MGAT4C: variants seen among roughly 807,000 people sequenced by gnomAD.
MGAT4C encodes the protein MGAT4 family member C.
A neutral mutation model predicts 40.1 loss-of-function variants in MGAT4C; 19 were observed. The ratio of observed to expected loss-of-function variants is 0.47; its 90% confidence interval spans 0.33 to 0.70. The LOEUF is 0.70. Ranked by LOEUF, MGAT4C falls within the 30% of genes least tolerant of loss-of-function variation. MGAT4C has a pLI of 0.02. For missense variants in MGAT4C, 491 were observed against 563.2 expected, an observed-to-expected ratio of 0.87 and a Z score of 1.30; for synonymous variants, 181 against 187.1, an observed-to-expected ratio of 0.97 and a Z score of 0.27.
chr12:86,152,529 T>A (rs969014271), intron 1 of MGAT4C, among the ~76,000 whole-genome samples: 3 of 152,326 alleles, frequency 2.0e-5, no homozygotes, highest in Admixed American at 6.5e-5. Context: ...GTACTGGTGA[T>A]TCAGTTTCAA....
intron 1 of MGAT4C, among the ~76,000 whole-genome samples, chr12:86,223,639 C>A (rs989487188): frequency 2.0e-5 from 3 of 152,178 alleles, no homozygotes; most frequent in Non-Finnish European, 2.9e-5. Flanking sequence ...CCTGAATTCA[C>A]TACTGGGGGC....
intron 1 of MGAT4C, among the ~76,000 whole-genome samples, chr12:86,095,992 A>G (rs527348825): frequency 6.6e-6 from 1 of 151,942 alleles, no homozygotes; most frequent in East Asian, 1.9e-4. Context: ...GAAATTCTCC[A>G]TGTTTATAGC....
chr12:86,778,996 T>A (rs1023771742), intron 1 of MGAT4C, among the ~76,000 whole-genome samples: 7 of 143,668 alleles, frequency 4.9e-5, no homozygotes, highest in African/African-American at 1.8e-4. Flanking sequence ...ATACATATTA[T>A]ACATACAATT....
At chr12:86,608,720 T>G (rs2162671) in intron 2 of MGAT4C, among the ~76,000 whole-genome samples, 19,979 of 151,360 alleles carry the variant, frequency 0.13, 2,042 homozygotes, top group African/African-American at 0.29. Context: ...AAAAAAAAAA[T>G]AACCAACTTG....
chr12:86,579,145 T>G (rs1960677262), intron 2 of MGAT4C, among the ~76,000 whole-genome samples: 1 of 151,696 alleles, frequency 6.6e-6, no homozygotes, highest in Non-Finnish European at 1.5e-5. Context: ...AGAGTCTATT[T>G]ACATTCAATG....
At chr12:86,361,487 G>T (rs932457531) in intron 3 of MGAT4C, among the ~76,000 whole-genome samples, 1 of 152,128 alleles carries the variant, frequency 6.6e-6, no homozygotes, top group African/African-American at 2.4e-5. Flanking sequence ...TTGACAAATG[G>T]GATCTAATTA....
chr12:86,742,784 GA>G (rs146442236), intron 1 of MGAT4C, among the ~76,000 whole-genome samples: 12,364 of 151,370 alleles, frequency 0.082, 706 homozygotes, highest in Middle Eastern at 0.23. Context: ...GAAAAGATAG[GA>G]ACCATCTTGG....
At chr12:86,461,236 CT>C (rs1182920834) in intron 2 of MGAT4C, among the ~76,000 whole-genome samples, 491 of 132,658 alleles carry the variant, frequency 3.7e-3, no homozygotes, top group Middle Eastern at 0.013. Context: ...TACACATCTT[CT>C]TTTTTTTTTT....
chr12:86,725,263 A>C (rs1034235084), intron 2 of MGAT4C, among the ~76,000 whole-genome samples: 6 of 152,192 alleles, frequency 3.9e-5, no homozygotes, highest in African/African-American at 1.4e-4. Context: ...GAGCTGTGTG[A>C]AAATTGTTAC....
chr12:86,071,767 C>G (rs1868527165), intron 1 of MGAT4C, among the ~76,000 whole-genome samples: 1 of 152,096 alleles, frequency 6.6e-6, no homozygotes, highest in Non-Finnish European at 1.5e-5. Flanking sequence ...ACATAATTAA[C>G]TAACTTGCAC....
intron 2 of MGAT4C, among the ~76,000 whole-genome samples, chr12:86,021,779 C>A (rs1254742407): frequency 6.6e-6 from 1 of 151,860 alleles, no homozygotes; most frequent in Non-Finnish European, 1.5e-5. Context: ...ATTATTTTTC[C>A]TTAAAGGATG....
At chr12:86,512,419 A>C (rs1450998805) in intron 2 of MGAT4C, among the ~76,000 whole-genome samples, 1 of 152,110 alleles carries the variant, frequency 6.6e-6, no homozygotes, top group Non-Finnish European at 1.5e-5. Context: ...ATTTATTCAA[A>C]ATAACTAAAA....
chr12:86,368,275 G>C (rs1328417084), intron 3 of MGAT4C, among the ~76,000 whole-genome samples: 1 of 152,082 alleles, frequency 6.6e-6, no homozygotes, highest in Non-Finnish European at 1.5e-5. Context: ...TGTCTAGCTA[G>C]GGAGTGTAAT....
chr12:86,323,155 T>C (rs1018380633), intron 4 of MGAT4C, among the ~76,000 whole-genome samples: 2 of 151,348 alleles, frequency 1.3e-5, no homozygotes, highest in African/African-American at 4.8e-5. Context: ...ATGTTAACTA[T>C]ACAATGCTGT....
intron 1 of MGAT4C, among the ~76,000 whole-genome samples, chr12:86,183,628 T>C (rs188106414): frequency 2.0e-5 from 3 of 152,238 alleles, no homozygotes; most frequent in African/African-American, 7.2e-5. Context: ...TTCCCCCAGT[T>C]CTAGAGGCTG....
intron 3 of MGAT4C, among the ~76,000 whole-genome samples, chr12:86,336,212 T>C (rs1221240552): frequency 6.6e-6 from 1 of 152,160 alleles, no homozygotes; most frequent in African/African-American, 2.4e-5. Flanking sequence ...GTTGGTTGAA[T>C]CCCATGGATG....
intron 1 of MGAT4C, among the ~76,000 whole-genome samples, chr12:86,147,790 C>T (rs1466418024): frequency 6.6e-6 from 1 of 152,028 alleles, no homozygotes; most frequent in Non-Finnish European, 1.5e-5. Flanking sequence ...AGTATAATTA[C>T]TTATGTTTAC....
chr12:86,418,495 C>A (rs12578968), intron 3 of MGAT4C, among the ~76,000 whole-genome samples: 9,777 of 151,768 alleles, frequency 0.064, 761 homozygotes, highest in East Asian at 0.24. Context: ...AGGAGGCTGG[C>A]GCAGGAGAAT....
chr12:86,414,578 T>C (rs1383970374), intron 3 of MGAT4C, among the ~76,000 whole-genome samples: 1 of 117,284 alleles, frequency 8.5e-6, no homozygotes, highest in Non-Finnish European at 1.8e-5. Flanking sequence ...TGTAGGTGTT[T>C]TAAAACAATC....
Sources: allele counts gnomAD v4.1 joint callset (sites outside exome capture counted in the v4.1 genomes callset), GRCh38; gene constraint gnomAD v4.1.1; transcripts MANE v1.5; gene names NCBI Gene and HGNC (gene_info 2026-07-23, HGNC 2026-07-21).